Variants in PKHD1 observed in about 807,000 individuals in gnomAD.
The protein encoded by PKHD1 is fibrocystin.
Under a neutral mutation model 412.0 loss-of-function variants are expected in PKHD1, and 291 were observed. The observed-to-expected ratio is 0.71, with a 90% CI of 0.64 to 0.78. The LOEUF is 0.78. PKHD1 is among the 30% of genes least tolerant of loss of function. PKHD1 has a pLI of 0.00. For synonymous variants in PKHD1, 1,777 were observed against 1,821.5 expected (o/e 0.98, Z 0.62); for missense variants, 4,825 against 4,950.7 (o/e 0.97, Z 0.76).
In PKHD1 at chr6:51,683,814, G is replaced by A. The variant is rs1265983483; in HGVS notation, c.10157-23845C>T. Reference sequence around the variant, plus strand: ...GACCATTTGCCATTATCCTGATAATGAATTCAACTTTGAGATTATAATGGT... The same window carrying A: ...GACCATTTGCCATTATCCTGATAATAAATTCAACTTTGAGATTATAATGGT... On this transcript the variant is annotated intron_variant, in intron 60 of 66. Coordinates refer to ENST00000371117, the MANE Select transcript of PKHD1 (RefSeq NM_138694.4). Among the ~76,000 whole-genome samples, 3 of 151,940 alleles carry A rather than the reference G, an allele frequency of 2.0e-5. No individual in the cohort carries two copies. In the East Asian group the frequency reaches 5.8e-4, roughly 29 times the overall value.
At chr6:51,811,135 C>T (rs993443042) in intron 52 of PKHD1, among the ~76,000 whole-genome samples, 7 of 151,996 alleles carry the variant, frequency 4.6e-5, no homozygotes, top group African/African-American at 1.7e-4. Context: ...TATTTTTCTC[C>T]AGGTTCTGAA....
chr6:51,960,990 A>G (rs1353806596), intron 35 of PKHD1, among the ~76,000 whole-genome samples: 1 of 152,184 alleles, frequency 6.6e-6, no homozygotes, highest in Non-Finnish European at 1.5e-5. Context: ...TAAAATCACA[A>G]TAGAGAAGGT....
chr6:51,833,990 T>G (rs1233309255), intron 51 of PKHD1, among the ~76,000 whole-genome samples: 2 of 152,126 alleles, frequency 1.3e-5, no homozygotes, highest in African/African-American at 2.4e-5. Flanking sequence ...AACAAGCACT[T>G]AAGATTTTAG....
intron 50 of PKHD1, among the ~76,000 whole-genome samples, chr6:51,842,836 G>C (rs973615327): frequency 6.6e-6 from 1 of 152,222 alleles, no homozygotes; most frequent in South Asian, 2.1e-4. Context: ...AGGCCAGGGA[G>C]GGGGCTGGTG....
intron 2 of PKHD1, among the ~76,000 whole-genome samples, chr6:52,084,172 T>G (rs1035551141): frequency 6.6e-6 from 1 of 152,206 alleles, no homozygotes; most frequent in African/African-American, 2.4e-5. Flanking sequence ...AAGGAAAGTG[T>G]TACCGACAGA....
In PKHD1 at chr6:51,618,988, G is replaced by A. The variant is rs1398163143; in HGVS notation, c.*93C>T. On this transcript the variant is annotated 3_prime_UTR_variant, in exon 67 of 67. Coordinates refer to ENST00000371117, the MANE Select transcript of PKHD1 (RefSeq NM_138694.4). ...GAGTCCACATTCTCTCTTCTTAGTT[G>A]TCCCAGCAGGACAGTCCTCACTTCC... The A allele has an allele frequency of 1.8e-6, 2 of 1,140,184 alleles. No individual in the cohort carries two copies. The highest frequency in any genetic ancestry group is 1.5e-5 in the African/African-American group (1 of 65,872). 70.6% of individuals were successfully genotyped at this position (1,140,184 alleles called of 1,614,324 possible).
At chr6:51,632,315 T>C (rs1768026022) in intron 65 of PKHD1, among the ~76,000 whole-genome samples, 1 of 152,182 alleles carries the variant, frequency 6.6e-6, no homozygotes, top group Admixed American at 6.5e-5. Flanking sequence ...TTATCTGAAG[T>C]GCTCAGAATG....
chr6:51,659,243 G>C lies in PKHD1; in HGVS notation c.10883C>G (p.Thr3628Ser), dbSNP rs147700643. The C allele has an allele frequency of 2.7e-5, 44 of 1,613,856 alleles. No homozygotes were observed. The African/African-American group carries it at 5.7e-4, about 21-fold the overall frequency. The change falls in exon 61 of 67, where the codon ACT (threonine) becomes AGT (serine). Residue 3628 changes from threonine to serine, a missense_variant. Physicochemically the swap from Thr to Ser is moderately conservative, Grantham distance 58. Transcript: ENST00000371117. ...TTGACCAACTCTTCTATAATGACTA[G>C]TGCAAGTCACAGTAGGGCAATTGCG... ...RKRNCPTVTC[T>S]SHYRRVGQRR... is the part of the protein sequence containing the mutation.
chr6:51,720,443 G>T (rs927723681), intron 60 of PKHD1, among the ~76,000 whole-genome samples: 1 of 152,242 alleles, frequency 6.6e-6, no homozygotes, highest in Admixed American at 6.5e-5. Context: ...CTTTCCTCCA[G>T]TGCCCAGGCT....
At position 51,901,452 on chromosome 6, in the gene PKHD1, A is replaced by T. The variant is rs552307542; in HGVS notation, c.6996+2145T>A. Among the ~76,000 whole-genome samples, 371 of 151,948 alleles carry T rather than the reference A, an allele frequency of 2.4e-3. 3 individuals carry two copies. The highest frequency in any genetic ancestry group is 8.0e-3 in the African/African-American group (332 of 41,452). On this transcript the variant is annotated intron_variant, in intron 43 of 66. Coordinates refer to ENST00000371117, the MANE Select transcript of PKHD1 (RefSeq NM_138694.4). ...ACCAAACACCGCATATTCTCACTCA[A>T]AGGTGGGAATTGAACAATGAGATCA...
intron 61 of PKHD1, among the ~76,000 whole-genome samples, chr6:51,650,909 T>C (rs970336050): frequency 1.3e-5 from 2 of 152,172 alleles, no homozygotes; most frequent in African/African-American, 2.4e-5. Flanking sequence ...AAATCCATGC[T>C]ATTAATTCTA....
intron 25 of PKHD1, 121 bp downstream of exon 25, chr6:52,044,845 T>G: frequency 9.2e-7 from 1 of 1,084,734 alleles, no homozygotes; most frequent in Non-Finnish European, 1.4e-6. Flanking sequence ...AGTACCCCTG[T>G]TTTACACATT....
chr6:51,681,272 C>G (rs910706504), intron 60 of PKHD1, among the ~76,000 whole-genome samples: 1 of 151,998 alleles, frequency 6.6e-6, no homozygotes, highest in Non-Finnish European at 1.5e-5. Flanking sequence ...CCTAACTCAC[C>G]TTAGGATTTC....
chr6:51,699,569 T>G (rs1223039623), intron 60 of PKHD1, among the ~76,000 whole-genome samples: 2 of 152,190 alleles, frequency 1.3e-5, no homozygotes, highest in African/African-American at 2.4e-5. Flanking sequence ...ACTTTTTATT[T>G]CTCTAAGGTA....
chr6:51,909,223 G>C, intron 40 of PKHD1, 60 bp downstream of exon 40: 1 of 1,194,512 alleles, frequency 8.4e-7, no homozygotes, highest in Non-Finnish European at 1.3e-6. Flanking sequence ...CACCATGCAT[G>C]TAGTGCCTTA....
At chr6:51,854,796 A>ACGCAGC (rs112330493) in intron 49 of PKHD1, among the ~76,000 whole-genome samples, 2,820 of 152,194 alleles carry the variant, frequency 0.019, 62 homozygotes, top group East Asian at 0.058. Flanking sequence ...CAGGGAAAAA[A>ACGCAGC]CGCAGCCTAG....
chr6:51,779,418 G>A lies in PKHD1; in HGVS notation c.8441-3497C>T, dbSNP rs73428023. Among the ~76,000 whole-genome samples, 1,179 of 152,032 alleles carry A rather than the reference G, an allele frequency of 7.8e-3. 14 individuals carry two copies. The highest frequency in any genetic ancestry group is 0.027 in the African/African-American group (1,122 of 41,474). ...AGTCTGGGTTAAGTGACCTTCTAAG[G>A]GCTATCACAGAATGCCATGTTTTGC... On this transcript the variant is annotated intron_variant, in intron 53 of 66. Transcript: ENST00000371117.
chr6:51,825,231 T>G (rs1028277342), intron 52 of PKHD1, among the ~76,000 whole-genome samples: 2 of 152,192 alleles, frequency 1.3e-5, no homozygotes, highest in African/African-American at 2.4e-5. Context: ...TCTTAGCTAT[T>G]CCTCCTATTG....
chr6:51,985,311 ATTCT>A (rs1290508200), intron 35 of PKHD1, among the ~76,000 whole-genome samples: 2 of 152,256 alleles, frequency 1.3e-5, no homozygotes, highest in Non-Finnish European at 2.9e-5. Context: ...ATGTTTATTG[ATTCT>A]TTATTTTGGC....
Sources: allele counts gnomAD v4.1 joint callset (sites outside exome capture counted in the v4.1 genomes callset), GRCh38; gene constraint gnomAD v4.1.1; transcripts MANE v1.5; gene names NCBI Gene and HGNC (gene_info 2026-07-23, HGNC 2026-07-21).